MAP3K19: variants seen among roughly 807,000 people sequenced by gnomAD.
The protein encoded by MAP3K19 is mitogen-activated protein kinase kinase kinase 19.
A neutral mutation model predicts 114.4 loss-of-function variants in MAP3K19; 91 were observed. The observed-to-expected ratio is 0.80, with a 90% CI of 0.67 to 0.95. MAP3K19 has a LOEUF of 0.95. Among genes scored for constraint, MAP3K19 ranks in the 40% least tolerant of loss-of-function variants. The pLI is 0.00. For missense variants in MAP3K19, 1,471 were observed against 1,573.2 expected (o/e 0.94, Z 1.10); for synonymous variants, 518 against 530.5 (o/e 0.98, Z 0.32).
chr2:134,980,762 T>C lies in MAP3K19; in HGVS notation c.3920+59A>G, dbSNP rs1684572764. 2.7e-6 allele frequency: 4 copies of C among 1,479,068 alleles called. No homozygotes were observed. The South Asian group carries it at 5.0e-5, about 18-fold the overall frequency. The allele number at this position is 1,479,068 out of a possible 1,614,324, so 91.6% of individuals were successfully genotyped here. On this transcript the variant is annotated intron_variant, in intron 12 of 12. Coordinates refer to ENST00000392915, the MANE Select transcript of MAP3K19 (RefSeq NM_025052.5). ...AATGGGCCATAAATTGAAAGGGAAATGTCTGCCACTTGGAATCTCCGGGCA... is the reference window on the plus strand; with the variant it reads ...AATGGGCCATAAATTGAAAGGGAAACGTCTGCCACTTGGAATCTCCGGGCA...
At chr2:135,039,979 C>T (rs1399813961) in intron 2 of MAP3K19, among the ~76,000 whole-genome samples, 2 of 152,092 alleles carry the variant, frequency 1.3e-5, no homozygotes, top group South Asian at 2.1e-4. Context: ...ACGTATTTAC[C>T]CCTGTTTCCC....
At chr2:134,980,436 C>T (rs79441142) in intron 12 of MAP3K19, among the ~76,000 whole-genome samples, 25,324 of 140,492 alleles carry the variant, frequency 0.18, 2,206 homozygotes, top group Middle Eastern at 0.26. Context: ...CAATTTGTTT[C>T]TTTGGCTCAA....
chr2:135,007,947 A>T (rs1559175291), intron 5 of MAP3K19, among the ~76,000 whole-genome samples: 1 of 152,214 alleles, frequency 6.6e-6, no homozygotes, highest in Non-Finnish European at 1.5e-5. Flanking sequence ...CACAGGAATC[A>T]TATTTTCTTT....
rs57745705 is a variant in MAP3K19 at position 135,023,898 on chromosome 2, GA to G, written c.22+727del. ...AAAATTCTTTAGTGTCTGTTTTATTGAAAAAAAAAAGTGATGTCCTTCAGCC... is the reference window on the plus strand; with the variant it reads ...AAAATTCTTTAGTGTCTGTTTTATTGAAAAAAAAAGTGATGTCCTTCAGCC... On this transcript the variant is annotated intron_variant, in intron 4 of 12. Transcript: ENST00000392915. 1.2e-3 allele frequency among the ~76,000 whole-genome samples: 182 copies of G among 148,122 alleles called. 1 individual carries two copies. The highest frequency in any genetic ancestry group is 1.4e-3 in the Non-Finnish European group (91 of 66,820).
intron 12 of MAP3K19, among the ~76,000 whole-genome samples, chr2:134,966,244 C>T (rs1683337277): frequency 6.6e-6 from 1 of 152,100 alleles, no homozygotes; most frequent in African/African-American, 2.4e-5. Flanking sequence ...GATAAATACT[C>T]AGTAGGAGGA....
intron 12 of MAP3K19, among the ~76,000 whole-genome samples, chr2:134,979,245 A>C (rs1684450544): frequency 6.6e-6 from 1 of 152,204 alleles, no homozygotes; most frequent in Non-Finnish European, 1.5e-5. Context: ...TATTCTTCCT[A>C]ATGATTATTA....
intron 5 of MAP3K19, among the ~76,000 whole-genome samples, chr2:135,006,250 C>G (rs374183927): frequency 6.6e-5 from 10 of 152,292 alleles, no homozygotes; most frequent in South Asian, 6.2e-4. Context: ...ATTTCTAGAA[C>G]CATGATAGAT....
chr2:134,992,513 A>G (rs979359653), intron 8 of MAP3K19, among the ~76,000 whole-genome samples: 4 of 152,318 alleles, frequency 2.6e-5, no homozygotes, highest in African/African-American at 9.6e-5. Context: ...GGGTCAAAAC[A>G]GTTCACAGAA....
intron 4 of MAP3K19, chr2:135,023,611 C>G (rs1392849968): frequency 2.0e-6 from 1 of 503,526 alleles, no homozygotes; most frequent in African/African-American, 1.9e-5. Flanking sequence ...CAGCGGTTGT[C>G]TCTGTGTCTC....
chr2:134,991,531 T>A lies in MAP3K19; in HGVS notation c.618+6A>T, dbSNP rs760540604. 5.0e-6 allele frequency: 8 copies of A among 1,611,950 alleles called. No individual in the cohort carries two copies. Reference sequence around the variant, plus strand: ...CTCAAGTCAAAAATGCTAGCACTAATCTTACCTTGATGCTTCGGCCACTGT... The same window carrying A: ...CTCAAGTCAAAAATGCTAGCACTAAACTTACCTTGATGCTTCGGCCACTGT... On this transcript the variant is annotated splice_donor_region_variant and intron_variant, in intron 9 of 12. Transcript: ENST00000392915.
Position 134,999,049 on chromosome 2 carries a change from G to C in MAP3K19, c.315-52C>G. ...TAAAACTCAGTTGCCACATCTTCTGGATCTCCAGTCCTCAGTTCAGCCTGA... is the reference window on the plus strand; with the variant it reads ...TAAAACTCAGTTGCCACATCTTCTGCATCTCCAGTCCTCAGTTCAGCCTGA... On this transcript the variant is annotated intron_variant, in intron 7 of 12. Coordinates refer to ENST00000392915, the MANE Select transcript of MAP3K19 (RefSeq NM_025052.5). The surrounding 1 kb of genome is among the most constrained non-coding windows in gnomAD (Gnocchi z 4.1). 1 of 1,572,540 alleles carries C rather than the reference G, an allele frequency of 6.4e-7. No individual in the cohort carries two copies. The highest frequency in any genetic ancestry group is 8.6e-7 in the Non-Finnish European group (1 of 1,158,928).
chr2:135,045,675 A>G (rs141306834), intron 1 of MAP3K19, among the ~76,000 whole-genome samples: 125 of 152,336 alleles, frequency 8.2e-4, no homozygotes, highest in African/African-American at 2.5e-3. Flanking sequence ...GTGACCCTTA[A>G]GGGAGAGCAT....
rs1402487221 is a variant in MAP3K19, at chr2:134,968,299, T to A, written c.3921-3383A>T. Among the ~76,000 whole-genome samples the A allele has an allele frequency of 2.6e-4, 40 of 152,076 alleles. No individual in the cohort carries two copies. The East Asian group carries it at 4.1e-3, about 15-fold the overall frequency. ...CGGCAACCATCCGATTTCTCAGTCT[T>A]TTCCCCACCTTTCCCCCGTTTCTAT... is the stretch of plus-strand genomic sequence containing the variant. On this transcript the variant is annotated intron_variant, in intron 12 of 12. Transcript: ENST00000392915.
At chr2:134,968,711 G>A (rs1422765550) in intron 12 of MAP3K19, among the ~76,000 whole-genome samples, 4 of 151,696 alleles carry the variant, frequency 2.6e-5, no homozygotes, top group Admixed American at 1.3e-4. Context: ...CATCCCAGAT[G>A]GGGCGGCAGG....
At chr2:135,041,934 G>A (rs2104800110) in intron 1 of MAP3K19, among the ~76,000 whole-genome samples, 1 of 152,190 alleles carries the variant, frequency 6.6e-6, no homozygotes, top group South Asian at 2.1e-4. Flanking sequence ...CAGAAACACA[G>A]AGAACATGTG....
intron 1 of MAP3K19, among the ~76,000 whole-genome samples, chr2:135,042,370 C>T (rs1223845470): frequency 2.6e-5 from 4 of 151,906 alleles, no homozygotes; most frequent in Admixed American, 6.6e-5. Flanking sequence ...GGCATGGTGG[C>T]GGGCGCCTGT....
chr2:134,985,660 G>T, intron 10 of MAP3K19, 140 bp downstream of exon 10: 1 of 707,856 alleles, frequency 1.4e-6, no homozygotes. Context: ...TTCCAACCTT[G>T]TGATCAAACA....
chr2:134,999,067 C>A lies in MAP3K19; in HGVS notation c.315-70G>T. Reference sequence around the variant, plus strand: ...TCTTCTGGATCTCCAGTCCTCAGTTCAGCCTGACATCACTAGAAAGTTTGA... The same window carrying A: ...TCTTCTGGATCTCCAGTCCTCAGTTAAGCCTGACATCACTAGAAAGTTTGA... On this transcript the variant is annotated intron_variant, in intron 7 of 12. Transcript: ENST00000392915. This position sits in a 1 kb window ranked among gnomAD's most constrained non-coding sequence, Gnocchi z 4.1. The A allele has an allele frequency of 6.6e-7, 1 of 1,508,918 alleles. No individual in the cohort carries two copies. The highest frequency in any genetic ancestry group is 1.3e-5 in the South Asian group (1 of 78,490). The allele number at this position is 1,508,918 out of a possible 1,614,324, so 93.5% of individuals were successfully genotyped here.
rs199756836 is a variant in MAP3K19, at chr2:134,987,802, C to T, written c.1070G>A (p.Arg357Gln). 24 of 1,607,582 alleles carry T rather than the reference C, an allele frequency of 1.5e-5. No individual in the cohort carries two copies. Among genetic ancestry groups the T allele is most frequent in the East Asian group, 2.2e-5 (1 of 44,888 alleles). Residue 357 changes from arginine to glutamine, a missense_variant, in exon 10 of 13, where the codon CGA (arginine) becomes CAA (glutamine). Arg to Gln is a conservative substitution (Grantham distance 43). Transcript: ENST00000392915. ...EDIDCHGSKT[R>Q]KPEEENSQYL... ...TTGAGAGTTCTCTTCTTCAGGTTTT[C>T]GCGTTTTACTACCATGGCAGTCAAT...
Sources: allele counts gnomAD v4.1 joint callset (sites outside exome capture counted in the v4.1 genomes callset), GRCh38; gene constraint gnomAD v4.1.1; non-coding constraint Gnocchi (gnomAD v3.1); transcripts MANE v1.5; gene names NCBI Gene and HGNC (gene_info 2026-07-23, HGNC 2026-07-21).